B3GALT1: variants seen among roughly 807,000 people sequenced by gnomAD.
The protein encoded by B3GALT1 is beta-1,3-galactosyltransferase 1.
In B3GALT1, 10 loss-of-function variants were observed where a neutral mutation model predicts 23.2. The ratio of observed to expected loss-of-function variants is 0.43; its 90% CI spans 0.27 to 0.73. The LOEUF (loss-of-function observed/expected upper bound fraction) is 0.73. Among genes scored for constraint, B3GALT1 ranks in the 30% least tolerant of loss-of-function variants. The pLI is 0.21. For missense variants in B3GALT1, 299 were observed against 405.4 expected (o/e 0.74, Z 2.25); for synonymous variants, 156 against 141.5 (o/e 1.10, Z -0.73).
intron 4 of B3GALT1, among the ~76,000 whole-genome samples, chr2:167,829,498 G>A (rs1450424569): frequency 6.8e-6 from 1 of 146,868 alleles, no homozygotes; most frequent in African/African-American, 2.7e-5. Context: ...AAAAAAAAAA[G>A]AAAAGAAGAA....
chr2:167,545,023 C>CTTTTTTTTTTTTTT (rs869066627), intron 2 of B3GALT1, among the ~76,000 whole-genome samples: 4 of 54,270 alleles, frequency 7.4e-5, no homozygotes, highest in Admixed American at 3.1e-4. Flanking sequence ...GCTTGGGTGT[C>CTTTTTTTTTTTTTT]TTTTTTTTTT....
At chr2:167,310,340 A>G (rs1696617277) in intron 1 of B3GALT1, among the ~76,000 whole-genome samples, 1 of 152,066 alleles carries the variant, frequency 6.6e-6, no homozygotes, top group Non-Finnish European at 1.5e-5. Flanking sequence ...GTTACATCTC[A>G]GGTAGTATGA....
At position 167,410,170 on chromosome 2, in the gene B3GALT1, A is replaced by C. The variant is rs186345323; in HGVS notation, c.-510-80007A>C. On this transcript the variant is annotated intron_variant, in intron 1 of 4. Coordinates refer to ENST00000392690, the MANE Select transcript of B3GALT1 (RefSeq NM_020981.4). ...AAACCATCATTCTCAGCAAACTAAC[A>C]CAGGAACAGGAAACCAAACACCCAT... 5.3e-5 allele frequency among the ~76,000 whole-genome samples: 8 copies of C among 152,124 alleles called. 1 individual carries two copies. The East Asian group carries it at 1.6e-3, about 30-fold the overall frequency.
At chr2:167,431,416 A>G (rs1209264341) in intron 1 of B3GALT1, among the ~76,000 whole-genome samples, 1 of 152,210 alleles carries the variant, frequency 6.6e-6, no homozygotes, top group East Asian at 1.9e-4. Flanking sequence ...ATTCTTCAGG[A>G]ATAATTAAAT....
intron 1 of B3GALT1, among the ~76,000 whole-genome samples, chr2:167,436,676 A>T (rs538171400): frequency 6.6e-6 from 1 of 152,218 alleles, no homozygotes; most frequent in East Asian, 1.9e-4. Flanking sequence ...TTCATCTCTT[A>T]CTTTGTATAC....
chr2:167,853,327 C>G (rs1689940096), intron 4 of B3GALT1, among the ~76,000 whole-genome samples: 1 of 152,136 alleles, frequency 6.6e-6, no homozygotes, highest in South Asian at 2.1e-4. Flanking sequence ...GTCTCTCCCC[C>G]ACAATCAATT....
chr2:167,369,075 G>C, intron 1 of B3GALT1, among the ~76,000 whole-genome samples: 2 of 9,860 alleles, frequency 2.0e-4, no homozygotes, highest in Non-Finnish European at 3.0e-3. Flanking sequence ...GTGTGTGTGT[G>C]TGTGTGTGTG....
At chr2:167,563,936 G>A (rs1359300264) in intron 2 of B3GALT1, among the ~76,000 whole-genome samples, 20 of 24,314 alleles carry the variant, frequency 8.2e-4, no homozygotes, top group East Asian at 3.9e-3. Flanking sequence ...CAGACGGGGC[G>A]GCTGGCCAGG....
At chr2:167,853,935 T>A (rs1689952880) in intron 4 of B3GALT1, among the ~76,000 whole-genome samples, 1 of 152,136 alleles carries the variant, frequency 6.6e-6, no homozygotes, top group Non-Finnish European at 1.5e-5. Context: ...TGACATCCAG[T>A]CAAAAGACAC....
intron 3 of B3GALT1, among the ~76,000 whole-genome samples, chr2:167,750,784 T>A (rs1687723057): frequency 6.8e-6 from 1 of 146,722 alleles, no homozygotes; most frequent in Non-Finnish European, 1.5e-5. Flanking sequence ...CACTCAGGGA[T>A]CTTTAGAGTG....
At chr2:167,635,125 A>G (rs1443873218) in intron 2 of B3GALT1, among the ~76,000 whole-genome samples, 3 of 152,170 alleles carry the variant, frequency 2.0e-5, no homozygotes, top group Non-Finnish European at 4.4e-5. Flanking sequence ...TAGATGCAGA[A>G]AAGTTCTTGG....
chr2:167,735,100 G>GT (rs1687471955), intron 3 of B3GALT1, among the ~76,000 whole-genome samples: 1 of 152,106 alleles, frequency 6.6e-6, no homozygotes, highest in Admixed American at 6.6e-5. Flanking sequence ...GAATACAATC[G>GT]TAAATATAAA....
chr2:167,363,239 C>T (rs983321435), intron 1 of B3GALT1, among the ~76,000 whole-genome samples: 11 of 151,588 alleles, frequency 7.3e-5, no homozygotes, highest in African/African-American at 1.9e-4. Context: ...TTCTGACGCA[C>T]GCCTCTAAAA....
intron 1 of B3GALT1, among the ~76,000 whole-genome samples, chr2:167,371,842 T>G (rs1697691662): frequency 6.6e-6 from 1 of 151,928 alleles, no homozygotes. Flanking sequence ...TTATAAAATT[T>G]TAATCAGAGG....
At chr2:167,426,969 C>T (rs1348715796) in intron 1 of B3GALT1, among the ~76,000 whole-genome samples, 1 of 152,140 alleles carries the variant, frequency 6.6e-6, no homozygotes, top group Non-Finnish European at 1.5e-5. Context: ...CTAAATGTTC[C>T]CCAACAGCAA....
intron 3 of B3GALT1, among the ~76,000 whole-genome samples, chr2:167,667,606 G>C (rs1326423804): frequency 2.6e-5 from 4 of 152,164 alleles, no homozygotes; most frequent in Admixed American, 2.6e-4. Flanking sequence ...CGTAGATTTG[G>C]TCTTTTCACA....
At chr2:167,540,190 C>G (rs1558897924) in intron 2 of B3GALT1, among the ~76,000 whole-genome samples, 2 of 152,208 alleles carry the variant, frequency 1.3e-5, no homozygotes, top group Admixed American at 1.3e-4. Flanking sequence ...ACCAGCTAGT[C>G]CAGGGGTTAC....
At chr2:167,543,692 G>A (rs1208034992) in intron 2 of B3GALT1, among the ~76,000 whole-genome samples, 2 of 152,166 alleles carry the variant, frequency 1.3e-5, no homozygotes, top group Non-Finnish European at 1.5e-5. Context: ...GGGGGAAAAA[G>A]TAGCACTGAA....
At chr2:167,712,620 C>A (rs1260065342) in intron 3 of B3GALT1, among the ~76,000 whole-genome samples, 1 of 151,958 alleles carries the variant, frequency 6.6e-6, no homozygotes, top group African/African-American at 2.4e-5. Flanking sequence ...CTCACTAACC[C>A]TGTTGGATTA....
Sources: allele counts gnomAD v4.1 joint callset (sites outside exome capture counted in the v4.1 genomes callset), GRCh38; gene constraint gnomAD v4.1.1; transcripts MANE v1.5; gene names NCBI Gene and HGNC (gene_info 2026-07-23, HGNC 2026-07-21).